DCLK1: variants seen among roughly 807,000 people sequenced by gnomAD.
DCLK1 encodes the protein doublecortin like kinase 1.
Under a neutral mutation model 86.2 loss-of-function variants are expected in DCLK1, and 16 were observed. That is an observed-to-expected ratio of 0.19 (90% confidence interval 0.13 to 0.28). The LOEUF is 0.28. Among genes scored for constraint, DCLK1 ranks in the 10% least tolerant of loss-of-function variants. The probability of loss-of-function intolerance (pLI) is 1.00; values close to 1 mark genes in which losing one functional copy is unlikely to be tolerated. For missense variants in DCLK1, 590 were observed against 940.2 expected (o/e 0.63, Z 4.87); for synonymous variants, 369 against 370.5 (o/e 1.00, Z 0.05).
chr13:35,999,092 T>C (rs1880599561), intron 3 of DCLK1, among the ~76,000 whole-genome samples: 1 of 151,934 alleles, frequency 6.6e-6, no homozygotes, highest in Non-Finnish European at 1.5e-5. Context: ...CCTTCTCTAC[T>C]AAAAATACAA....
At chr13:35,963,122 T>G (rs1378777930) in intron 3 of DCLK1, among the ~76,000 whole-genome samples, 8 of 152,196 alleles carry the variant, frequency 5.3e-5, no homozygotes, top group African/African-American at 1.9e-4. Context: ...ACTCTGTAAA[T>G]CACTCACAGT....
At chr13:35,994,108 CAA>C (rs5802798) in intron 3 of DCLK1, among the ~76,000 whole-genome samples, 436 of 144,910 alleles carry the variant, frequency 3.0e-3, no homozygotes, top group African/African-American at 4.6e-3. Flanking sequence ...ATGCAGCTTC[CAA>C]AAAAAAAAAA....
intron 11 of DCLK1, among the ~76,000 whole-genome samples, chr13:35,818,379 G>A (rs1018288150): frequency 6.6e-6 from 1 of 152,188 alleles, no homozygotes; most frequent in African/African-American, 2.4e-5. Flanking sequence ...AACAGGACTA[G>A]CTTATTGCTA....
intron 5 of DCLK1, among the ~76,000 whole-genome samples, chr13:35,870,809 T>C (rs1872222893): frequency 6.6e-6 from 1 of 151,796 alleles, no homozygotes; most frequent in Non-Finnish European, 1.5e-5. Context: ...TCCAGAGCCA[T>C]GAAAGGAAAC....
At chr13:35,969,674 C>T (rs534455423) in intron 3 of DCLK1, among the ~76,000 whole-genome samples, 5 of 152,274 alleles carry the variant, frequency 3.3e-5, no homozygotes, top group East Asian at 1.9e-4. Context: ...CCCTAAGAAA[C>T]GCTGGCCCTC....
At chr13:35,981,007 G>GA (rs1241249146) in intron 3 of DCLK1, among the ~76,000 whole-genome samples, 5 of 151,746 alleles carry the variant, frequency 3.3e-5, no homozygotes, top group Non-Finnish European at 7.4e-5. Flanking sequence ...ATGGATGGGG[G>GA]AAAAAAATCC....
At chr13:35,887,744 T>C (rs1002821403) in intron 4 of DCLK1, among the ~76,000 whole-genome samples, 2 of 151,856 alleles carry the variant, frequency 1.3e-5, no homozygotes, top group East Asian at 1.9e-4. Context: ...GACAGAGTTA[T>C]ACCAATAAAA....
chr13:35,965,529 G>A (rs1878690288), intron 3 of DCLK1, among the ~76,000 whole-genome samples: 2 of 152,130 alleles, frequency 1.3e-5, no homozygotes, highest in African/African-American at 4.8e-5. Flanking sequence ...ACTTTTTTAA[G>A]GATCTCAGTT....
At chr13:36,041,050 G>C (rs535035092) in intron 3 of DCLK1, among the ~76,000 whole-genome samples, 21 of 152,134 alleles carry the variant, frequency 1.4e-4, no homozygotes, top group Middle Eastern at 3.4e-3. Flanking sequence ...AAGGACCTCT[G>C]TTCCCTTTCA....
chr13:36,125,473 A>C (rs1008761940), intron 2 of DCLK1, among the ~76,000 whole-genome samples: 5 of 152,244 alleles, frequency 3.3e-5, no homozygotes, highest in African/African-American at 9.6e-5. Flanking sequence ...TGAAGAGATA[A>C]AATGGACTTT....
intron 3 of DCLK1, among the ~76,000 whole-genome samples, chr13:36,081,096 T>C (rs1884405159): frequency 6.6e-6 from 1 of 152,134 alleles, no homozygotes; most frequent in African/African-American, 2.4e-5. Flanking sequence ...ATTATTCATA[T>C]CACAAAATAA....
intron 3 of DCLK1, among the ~76,000 whole-genome samples, chr13:36,035,629 C>T (rs1329373474): frequency 6.6e-6 from 1 of 152,158 alleles, no homozygotes. Context: ...GCGTCGAACT[C>T]CTGGGCTCAA....
At chr13:35,932,180 GA>G (rs1846095980) in intron 4 of DCLK1, among the ~76,000 whole-genome samples, 1 of 152,194 alleles carries the variant, frequency 6.6e-6, no homozygotes. Context: ...AGATGAAGGA[GA>G]AATTTACCTT....
At chr13:35,909,133 T>G (rs1874852944) in intron 4 of DCLK1, among the ~76,000 whole-genome samples, 2 of 152,178 alleles carry the variant, frequency 1.3e-5, no homozygotes, top group South Asian at 4.1e-4. Flanking sequence ...CAACATGTAT[T>G]TTCAATAGCA....
chr13:35,822,084 A>C (rs1320126499), intron 11 of DCLK1, among the ~76,000 whole-genome samples: 2 of 152,208 alleles, frequency 1.3e-5, no homozygotes, highest in East Asian at 3.9e-4. Context: ...ACTCCAAAAA[A>C]GTCTAAAAGG....
chr13:35,911,928 C>T (rs764495668), intron 4 of DCLK1, among the ~76,000 whole-genome samples: 36 of 152,252 alleles, frequency 2.4e-4, no homozygotes, highest in African/African-American at 8.7e-4. Context: ...GGCCAGGACC[C>T]TTGGCCCTTC....
intron 3 of DCLK1, among the ~76,000 whole-genome samples, chr13:36,089,788 C>G (rs1223750197): frequency 6.6e-6 from 1 of 152,128 alleles, no homozygotes; most frequent in African/African-American, 2.4e-5. Context: ...ATCTTGTTTC[C>G]TTTGGTACAA....
At chr13:35,944,963 G>A (rs370583261) in intron 4 of DCLK1, among the ~76,000 whole-genome samples, 2 of 152,096 alleles carry the variant, frequency 1.3e-5, no homozygotes, top group African/African-American at 2.4e-5. Context: ...GTGCAATGGT[G>A]CGATCTCGGT....
At chr13:36,008,105 G>T (rs1181018036) in intron 3 of DCLK1, among the ~76,000 whole-genome samples, 2 of 145,750 alleles carry the variant, frequency 1.4e-5, no homozygotes, top group Non-Finnish European at 3.0e-5. Flanking sequence ...ACTACTAACA[G>T]GATGCTATTT....
Sources: gnomAD v4.1 joint callset for allele counts (sites outside exome capture counted in the v4.1 genomes callset) on GRCh38, gnomAD v4.1.1 for gene constraint, MANE v1.5 for transcripts, NCBI Gene and HGNC (gene_info 2026-07-23, HGNC 2026-07-21) for gene names.